KIF26B: variants seen among roughly 807,000 people sequenced by gnomAD.
KIF26B encodes kinesin family member 26B, also known as kinesin-like protein KIF26B.
KIF26B carries 63 observed loss-of-function variants against 151.2 expected under a neutral mutation model. That is an observed-to-expected ratio of 0.42 (90% confidence interval 0.34 to 0.51). The LOEUF (loss-of-function observed/expected upper bound fraction) is 0.51. Ranked by LOEUF, KIF26B falls within the 20% of genes least tolerant of loss-of-function variation. The pLI, the probability that KIF26B is intolerant of heterozygous loss-of-function variation, is 0.07. For synonymous variants in KIF26B, 1,357 were observed against 1,262.1 expected (o/e 1.08, Z -1.59); for missense variants, 2,813 against 2,913.6 (o/e 0.97, Z 0.79).
chr1:245,579,584 T>C (rs900474955), intron 5 of KIF26B, among the ~76,000 whole-genome samples: 1 of 151,482 alleles, frequency 6.6e-6, no homozygotes, highest in Non-Finnish European at 1.5e-5. Context: ...CTGAGGCGGG[T>C]GGATCACCTG....
At chr1:245,157,514 T>C (rs1323956277) in intron 2 of KIF26B, among the ~76,000 whole-genome samples, 4 of 152,262 alleles carry the variant, frequency 2.6e-5, no homozygotes, top group Non-Finnish European at 4.4e-5. Flanking sequence ...TCCGTGACTT[T>C]AGAAATGAAA....
At chr1:245,373,674 A>T (rs1297175637) in intron 3 of KIF26B, among the ~76,000 whole-genome samples, 1 of 152,176 alleles carries the variant, frequency 6.6e-6, no homozygotes, top group Non-Finnish European at 1.5e-5. Flanking sequence ...GCTGGACTGA[A>T]CACTGGCCGA....
At chr1:245,400,329 A>C (rs1435719453) in intron 3 of KIF26B, among the ~76,000 whole-genome samples, 1 of 152,184 alleles carries the variant, frequency 6.6e-6, no homozygotes, top group Non-Finnish European at 1.5e-5. Flanking sequence ...GATTTACTTT[A>C]CATTCGCCTA....
intron 2 of KIF26B, among the ~76,000 whole-genome samples, chr1:245,284,550 T>TG (rs1356872122): frequency 6.6e-6 from 1 of 152,186 alleles, no homozygotes; most frequent in Non-Finnish European, 1.5e-5. Context: ...TTCATTTCTG[T>TG]GGGGCAGGTT....
At chr1:245,342,554 T>G (rs767515762) in intron 2 of KIF26B, among the ~76,000 whole-genome samples, 1 of 147,852 alleles carries the variant, frequency 6.8e-6, no homozygotes, top group Non-Finnish European at 1.5e-5. Context: ...TTCTGGTTTT[T>G]GTTTTTGTTT....
rs141867601 is a variant in KIF26B, at chr1:245,232,711, C to T, written c.465+76028C>T. 1.8e-3 allele frequency among the ~76,000 whole-genome samples: 270 copies of T among 152,204 alleles called. 1 individual carries two copies. The highest frequency in any genetic ancestry group is 6.0e-3 in the African/African-American group (248 of 41,530). ...GATCACAGGCATGAGCCACCACTCC[C>T]GGCTAATTTTGTATTTTTAGTAGAG... On this transcript the variant is annotated intron_variant, in intron 2 of 14. Coordinates refer to ENST00000407071, the MANE Select transcript of KIF26B (RefSeq NM_018012.4).
intron 4 of KIF26B, among the ~76,000 whole-genome samples, chr1:245,477,488 G>A (rs1037952681): frequency 6.6e-6 from 1 of 151,778 alleles, no homozygotes; most frequent in African/African-American, 2.4e-5. Context: ...CAGATTGGAA[G>A]GTGATAAATG....
chr1:245,348,308 A>T (rs1032272643), intron 2 of KIF26B, among the ~76,000 whole-genome samples: 3 of 152,062 alleles, frequency 2.0e-5, no homozygotes, highest in African/African-American at 7.2e-5. Flanking sequence ...TATATTATTG[A>T]TTTGCAAAAT....
chr1:245,280,294 A>C (rs1463410082), intron 2 of KIF26B, among the ~76,000 whole-genome samples: 1 of 151,294 alleles, frequency 6.6e-6, no homozygotes, highest in African/African-American at 2.4e-5. Flanking sequence ...CGGGTGGATC[A>C]TGAGGTCAGG....
chr1:245,418,573 C>T (rs1039034892), intron 3 of KIF26B, among the ~76,000 whole-genome samples: 1 of 152,216 alleles, frequency 6.6e-6, no homozygotes, highest in Non-Finnish European at 1.5e-5. Context: ...TGTTCCGGAT[C>T]TTTGCTTTAT....
At chr1:245,699,974 G>C (rs963133343) in intron 14 of KIF26B, among the ~76,000 whole-genome samples, 4 of 152,248 alleles carry the variant, frequency 2.6e-5, no homozygotes, top group Non-Finnish European at 5.9e-5. Flanking sequence ...GGCAGGACTT[G>C]TCAGCCTCCC....
At chr1:245,206,651 C>T (rs1037132115) in intron 2 of KIF26B, 3 of 152,142 alleles carry the variant, frequency 2.0e-5, no homozygotes, top group African/African-American at 7.2e-5. Flanking sequence ...GAGTGGTCTC[C>T]AACCCTGGAT....
chr1:245,249,035 A>G (rs1418232455), intron 2 of KIF26B, among the ~76,000 whole-genome samples: 1 of 152,234 alleles, frequency 6.6e-6, no homozygotes. Context: ...GGCAGGGGGC[A>G]AGTGAAGCAG....
chr1:245,591,141 T>C (rs191059714), intron 5 of KIF26B, among the ~76,000 whole-genome samples: 206 of 151,970 alleles, frequency 1.4e-3, no homozygotes, highest in Middle Eastern at 3.4e-3. Context: ...TACTTTGTTT[T>C]AAGTGCTTAG....
At chr1:245,342,438 T>A (rs925147822) in intron 2 of KIF26B, among the ~76,000 whole-genome samples, 5 of 152,200 alleles carry the variant, frequency 3.3e-5, no homozygotes, top group African/African-American at 1.2e-4. Flanking sequence ...CTAAAGCATC[T>A]AGGGAGAGCA....
intron 4 of KIF26B, among the ~76,000 whole-genome samples, chr1:245,444,461 G>A (rs1465297833): frequency 2.0e-5 from 3 of 152,252 alleles, no homozygotes; most frequent in African/African-American, 4.8e-5. Context: ...AGGAGGCAGC[G>A]GGTGCTGAGG....
intron 4 of KIF26B, among the ~76,000 whole-genome samples, chr1:245,502,861 CTT>C (rs761926443): frequency 5.7e-5 from 8 of 139,132 alleles, no homozygotes; most frequent in Admixed American, 1.5e-4. Context: ...TTATGGTGAA[CTT>C]TTTTTTTTTT....
chr1:245,432,200 C>G (rs187410560), intron 4 of KIF26B, among the ~76,000 whole-genome samples: 1,769 of 152,258 alleles, frequency 0.012, 22 homozygotes, highest in Non-Finnish European at 0.015. Flanking sequence ...AGATGGGCGG[C>G]TAAGTCTCCA....
intron 3 of KIF26B, among the ~76,000 whole-genome samples, chr1:245,400,578 G>A (rs1389770535): frequency 1.3e-5 from 2 of 151,828 alleles, no homozygotes; most frequent in Non-Finnish European, 2.9e-5. Context: ...GCCACATGGG[G>A]CTACTGAGCA....
Sources: allele counts gnomAD v4.1 joint callset (sites outside exome capture counted in the v4.1 genomes callset), GRCh38; gene constraint gnomAD v4.1.1; transcripts MANE v1.5; gene names NCBI Gene and HGNC (gene_info 2026-07-23, HGNC 2026-07-21).